Variants in LRRK1 observed in about 807,000 individuals in gnomAD.
The protein encoded by LRRK1 is leucine-rich repeat serine/threonine-protein kinase 1.
LRRK1 carries 113 observed loss-of-function variants against 209.1 expected under a neutral mutation model. The ratio of observed to expected loss-of-function variants is 0.54; its 90% CI spans 0.46 to 0.63. LRRK1 has a LOEUF of 0.63. Ranked by LOEUF, LRRK1 falls within the 30% of genes least tolerant of loss-of-function variation. LRRK1 has a pLI of 0.00. For synonymous variants in LRRK1, 1,144 were observed against 1,099.7 expected (o/e 1.04, Z -0.80); for missense variants, 2,284 against 2,632.2 (o/e 0.87, Z 2.89).
chr15:101,021,213 C>T (rs2033769525), intron 13 of LRRK1, 31 bp downstream of exon 13: 2 of 1,612,372 alleles, frequency 1.2e-6, no homozygotes, highest in South Asian at 1.1e-5. Context: ...GCCGTGCTGG[C>T]TCTGCTGGCC....
intron 9 of LRRK1, 122 bp downstream of exon 9, chr15:101,010,959 C>A: frequency 1.3e-6 from 1 of 788,546 alleles, no homozygotes; most frequent in Non-Finnish European, 2.0e-6. Flanking sequence ...GTAGAAGGGC[C>A]CGGTTCCCAC....
chr15:101,065,358 T>C lies in LRRK1; in HGVS notation c.4921T>C (p.Tyr1641His). Residue 1641 changes from tyrosine (Y) to histidine (H), a missense_variant, in exon 32 of 34, where the codon TAC becomes CAC. Around this residue, in one of 6 missense-constraint regions of LRRK1, gnomAD observed 643 missense variants for 695.9 expected, o/e 0.92. Coordinates refer to ENST00000388948, the MANE Select transcript of LRRK1 (RefSeq NM_024652.6). ...CCCTGTCTCCTTCCTTCAGAATTCC[T>C]ACCTGGTCTTAGCGGGCCTCGCCGA... Reference protein sequence around the residue: ...LAVPVIKKNSYLVLAGLADGL... With the variant: ...LAVPVIKKNSHLVLAGLADGL... 1 of 1,612,934 alleles carries C rather than the reference T, an allele frequency of 6.2e-7. No homozygotes were observed. The highest frequency in any genetic ancestry group is 8.5e-7 in the Non-Finnish European group (1 of 1,179,708).
intron 4 of LRRK1, among the ~76,000 whole-genome samples, chr15:100,985,828 C>A (rs1204704960): frequency 6.6e-6 from 1 of 152,188 alleles, no homozygotes; most frequent in African/African-American, 2.4e-5. Context: ...TGTACCCATC[C>A]CTGCACTTCC....
chr15:101,034,098 C>T (rs1048191001), intron 20 of LRRK1, among the ~76,000 whole-genome samples: 3 of 152,034 alleles, frequency 2.0e-5, no homozygotes, highest in African/African-American at 7.2e-5. Flanking sequence ...CCTTTGCCTT[C>T]TTTTGAGATT....
Position 101,074,756 on chromosome 15 carries a change from C to T in LRRK1, c.*5908C>T, listed in dbSNP as rs1285328869. ...CCAGCACACAAGAACTTCCAAACAC[C>T]TGAACTGCAGCGGCCAGGCATTCCT... On this transcript the variant is annotated 3_prime_UTR_variant, in exon 34 of 34. Transcript: ENST00000388948. 2 of 151,990 alleles carry T rather than the reference C, an allele frequency of 1.3e-5. No individual in the cohort carries two copies. Among genetic ancestry groups the T allele is most frequent in the African/African-American group, 4.8e-5 (2 of 41,300 alleles). 9.4% of individuals were successfully genotyped at this position (151,990 alleles called of 1,614,324 possible).
chr15:101,003,500 C>T (rs910787609), intron 6 of LRRK1, among the ~76,000 whole-genome samples: 11 of 152,198 alleles, frequency 7.2e-5, no homozygotes, highest in African/African-American at 2.7e-4. Flanking sequence ...TTAATGGACT[C>T]ACAGTTCCAC....
chr15:101,035,064 T>C (rs2034442418), intron 20 of LRRK1, among the ~76,000 whole-genome samples: 1 of 152,138 alleles, frequency 6.6e-6, no homozygotes, highest in Non-Finnish European at 1.5e-5. Context: ...TGATCCTTTG[T>C]ATTGTTTTTT....
At chr15:101,046,241 G>A (rs2035069751) in intron 21 of LRRK1, 89 bp downstream of exon 21, 2 of 1,374,664 alleles carry the variant, frequency 1.5e-6, no homozygotes, top group Admixed American at 2.0e-5. Context: ...TTTGCTGGGG[G>A]GCCCTGCCTG....
rs60971994 is a variant in LRRK1, at chr15:100,953,508, CTATATATATA to C, written c.98-20279_98-20270del. Among the ~76,000 whole-genome samples the C allele has an allele frequency of 2.5e-3, 373 of 146,524 alleles. 4 individuals are homozygous for C. The highest frequency in any genetic ancestry group is 8.2e-3 in the African/African-American group (326 of 39,748). On this transcript the variant is annotated intron_variant, in intron 2 of 33. Coordinates refer to ENST00000388948, the MANE Select transcript of LRRK1 (RefSeq NM_024652.6). ...CCATTGTGTGTGTGTATGTGTGTGTCTATATATATATATATATATATATATACACACATAT... is the reference window on the plus strand; with the variant it reads ...CCATTGTGTGTGTGTATGTGTGTGTCTATATATATATATATACACACATAT...
chr15:100,980,495 C>T (rs150613658), intron 3 of LRRK1, among the ~76,000 whole-genome samples: 36 of 152,198 alleles, frequency 2.4e-4, no homozygotes, highest in African/African-American at 7.9e-4. Context: ...GGAACAGGTT[C>T]GTATCTTGAT....
At position 101,048,579 on chromosome 15, in the gene LRRK1, G is replaced by A. The variant is rs759296759; in HGVS notation, c.3221G>A (p.Ser1074Asn). The stretch of plus-strand genomic sequence containing the variant: ...ACAGGAAACCAGAGAAATCGCTGTA[G>A]CACATTCAGAGTGAAAAGAAATCAG... ...SFTGNQRNRCSTFRVKRNQTI... is the reference protein window; with the variant it reads ...SFTGNQRNRCNTFRVKRNQTI... Residue 1074 changes from serine to asparagine, a missense_variant, in exon 22 of 34, where the codon AGC becomes AAC. Around this residue, in one of 6 missense-constraint regions of LRRK1, gnomAD observed 780 missense variants for 985.2 expected, o/e 0.79. Coordinates refer to ENST00000388948, the MANE Select transcript of LRRK1 (RefSeq NM_024652.6). The A allele has an allele frequency of 8.8e-6, 14 of 1,585,220 alleles. No individual in the cohort carries two copies. The Admixed American group carries it at 2.7e-4, about 30-fold the overall frequency.
At chr15:100,984,616 C>T (rs1227946398) in intron 4 of LRRK1, among the ~76,000 whole-genome samples, 1 of 152,062 alleles carries the variant, frequency 6.6e-6, no homozygotes, top group African/African-American at 2.4e-5. Flanking sequence ...TTTCCCATAG[C>T]GATATGCATT....
rs572648902 is a variant in LRRK1, at chr15:100,929,307, G to A, written c.97+4578G>A. Among the ~76,000 whole-genome samples, 30 of 152,128 alleles carry A rather than the reference G, an allele frequency of 2.0e-4. 1 individual carries two copies. The highest frequency in any genetic ancestry group is 1.4e-3 in the Admixed American group (22 of 15,280). On this transcript the variant is annotated intron_variant, in intron 2 of 33. Coordinates refer to ENST00000388948, the MANE Select transcript of LRRK1 (RefSeq NM_024652.6). ...GCTCTCTGTGAGTGGCCGTCGCTTC[G>A]GTCCTGAAAGCCCTGCCACAGTCAC...
chr15:101,052,931 G>A lies in LRRK1; in HGVS notation c.3699G>A (p.Leu1233=), dbSNP rs1375102279. 1 of 1,606,244 alleles carries A rather than the reference G, an allele frequency of 6.2e-7. No individual in the cohort carries two copies. Among genetic ancestry groups the A allele is most frequent in the Non-Finnish European group, 8.5e-7 (1 of 1,174,118 alleles). ...FMTDFPARLF[L]ENSKLEHSED... is the part of the protein sequence containing the mutation. ...CGGGCGTGTGTGGCAGGCTCTTCCT[G>A]GAGAACAGCAAGCTGGAGCACAGCG... is the stretch of plus-strand genomic sequence containing the variant. Residue 1233 remains leucine (L), a synonymous_variant, in exon 25 of 34, where the codon CTG becomes CTA. Transcript: ENST00000388948.
At position 100,994,059 on chromosome 15, in the gene LRRK1, A is replaced by G. The variant is rs191543589; in HGVS notation, c.762+4661A>G. Among the ~76,000 whole-genome samples the G allele has an allele frequency of 1.2e-4, 18 of 152,380 alleles. 1 individual carries two copies. The highest frequency in any genetic ancestry group is 1.0e-3 in the Admixed American group (16 of 15,312). The stretch of plus-strand genomic sequence containing the variant: ...CACATCACCAAAAGAAATGATGATC[A>G]TCTAACCCTTACATCTATGTAGTGC... On this transcript the variant is annotated intron_variant, in intron 6 of 33. Coordinates refer to ENST00000388948, the MANE Select transcript of LRRK1 (RefSeq NM_024652.6).
intron 2 of LRRK1, among the ~76,000 whole-genome samples, chr15:100,965,383 G>T (rs1432137728): frequency 6.6e-6 from 1 of 152,160 alleles, no homozygotes; most frequent in African/African-American, 2.4e-5. Flanking sequence ...ATGGTGTTCA[G>T]GTCCTACAGG....
At position 101,025,065 on chromosome 15, in the gene LRRK1, G is replaced by A. The variant is rs1168560544; in HGVS notation, c.2232+98G>A. ...ATCCCCTGTACTGAGAAAAAAAGGG[G>A]GTTATGTTGCCACAGAGGGCCCCAG... On this transcript the variant is annotated intron_variant, in intron 16 of 33. Coordinates refer to ENST00000388948, the MANE Select transcript of LRRK1 (RefSeq NM_024652.6). The A allele has an allele frequency of 8.8e-6, 11 of 1,247,738 alleles. 1 individual carries two copies. The South Asian group carries it at 1.2e-4, about 14-fold the overall frequency. 77.3% of individuals were successfully genotyped at this position (1,247,738 alleles called of 1,614,324 possible).
intron 21 of LRRK1, among the ~76,000 whole-genome samples, chr15:101,046,649 C>T (rs769795398): frequency 2.0e-5 from 3 of 152,180 alleles, no homozygotes; most frequent in Admixed American, 6.5e-5. Context: ...CACTCCAGAC[C>T]GATTGAATCA....
At chr15:101,061,519 C>T (rs1010625614) in intron 30 of LRRK1, among the ~76,000 whole-genome samples, 9 of 152,208 alleles carry the variant, frequency 5.9e-5, no homozygotes, top group African/African-American at 1.4e-4. Context: ...CCGGGATTTG[C>T]GATGGTGAGG....
Sources: gnomAD v4.1 joint callset for allele counts (sites outside exome capture counted in the v4.1 genomes callset) on GRCh38, gnomAD v4.1.1 for gene constraint, gnomAD v4.1.1 regional missense constraint, MANE v1.5 for transcripts, NCBI Gene and HGNC (gene_info 2026-07-23, HGNC 2026-07-21) for gene names.